The following ANKMY2 variants were observed in gnomAD, a reference collection of about 807,000 sequenced individuals.
ANKMY2 encodes ankyrin repeat and MYND domain containing 2.
In ANKMY2, 36 loss-of-function variants were observed where a neutral mutation model predicts 50.4. The observed-to-expected ratio is 0.71, with a 90% CI of 0.55 to 0.94. ANKMY2 has a LOEUF of 0.94. Among genes scored for constraint, ANKMY2 ranks in the 40% least tolerant of loss-of-function variants. The pLI is 0.00. For missense variants in ANKMY2, 565 were observed against 524.0 expected (o/e 1.08, Z -0.76); for synonymous variants, 187 against 178.8 (o/e 1.05, Z -0.36).
At chr7:16,629,571 C>T (rs1460356662) in intron 2 of ANKMY2, among the ~76,000 whole-genome samples, 1 of 152,000 alleles carries the variant, frequency 6.6e-6, no homozygotes, top group Non-Finnish European at 1.5e-5. Flanking sequence ...CCAATCATGT[C>T]ATCTGCTGTG....
Position 16,615,830 on chromosome 7 carries a change from C to T in ANKMY2, c.445G>A (p.Gly149Arg). The T allele has an allele frequency of 6.2e-7, 1 of 1,614,064 alleles. No homozygotes were observed. The highest frequency in any genetic ancestry group is 2.2e-5 in the East Asian group (1 of 44,868). The change falls in exon 5 of 10, where the codon GGA becomes AGA. Residue 149 changes from glycine (G) to arginine (R), a missense_variant. By Grantham distance (125) the Gly-to-Arg change is moderately radical (BLOSUM62 -2). Transcript: ENST00000306999. ...ERLDYYTKPQ[G>R]LDKEPKLPPK... ...GGCAGTTTTGGCTCTTTATCCAGTC[C>T]CTGGGGCTTAGTGTAATAATCCAGT...
rs376207917 is a variant in ANKMY2 at position 16,636,302 on chromosome 7, C to CAA, written c.132+87_132+88dup. 6.8e-3 allele frequency: 1,453 copies of CAA among 214,362 alleles called. 6 individuals are homozygous for CAA. The highest frequency in any genetic ancestry group is 0.012 in the South Asian group (274 of 22,716). 13.3% of individuals were successfully genotyped at this position (214,362 alleles called of 1,614,324 possible). ...TGGGCGAAAGAGCAACACTCCATCT[C>CAA]AAAAAAAAAAAAAAAAAAAAAAAAA... On this transcript the variant is annotated intron_variant, in intron 2 of 9. Coordinates refer to ENST00000306999, the MANE Select transcript of ANKMY2 (RefSeq NM_020319.3).
At chr7:16,606,170 C>A (rs577792660) in intron 7 of ANKMY2, among the ~76,000 whole-genome samples, 2 of 152,116 alleles carry the variant, frequency 1.3e-5, no homozygotes, top group South Asian at 4.2e-4. Context: ...GTGGCTAGCG[C>A]CTGTAATCCC....
chr7:16,638,895 G>C (rs1038089735), intron 1 of ANKMY2, among the ~76,000 whole-genome samples: 2 of 152,178 alleles, frequency 1.3e-5, no homozygotes, highest in African/African-American at 4.8e-5. Flanking sequence ...GGTTTTAGGA[G>C]CTCTGTGTTA....
At chr7:16,644,804 G>A (rs559838809) in intron 1 of ANKMY2, 17 of 456,104 alleles carry the variant, frequency 3.7e-5, no homozygotes, top group African/African-American at 3.0e-4. Flanking sequence ...CTGCGGAAGT[G>A]GGGCACGCCT....
At chr7:16,645,389 A>G in intron 1 of ANKMY2, 118 bp downstream of exon 1, 2 of 998,028 alleles carry the variant, frequency 2.0e-6, no homozygotes, top group South Asian at 3.5e-5. Context: ...TCCCGGTTCC[A>G]GGCTGCAAAC....
intron 7 of ANKMY2, among the ~76,000 whole-genome samples, chr7:16,606,301 C>T (rs796843934): frequency 4.0e-4 from 61 of 152,126 alleles, no homozygotes; most frequent in African/African-American, 1.3e-3. Flanking sequence ...CATGGTGGCA[C>T]GCCTGTAGTC....
chr7:16,631,632 TGAGACA>T (rs1781586601), intron 2 of ANKMY2, among the ~76,000 whole-genome samples: 1 of 151,722 alleles, frequency 6.6e-6, no homozygotes, highest in Non-Finnish European at 1.5e-5. Flanking sequence ...TTTTTTTTTT[TGAGACA>T]GAGTCTCACT....
chr7:16,600,687 G>T lies in ANKMY2; in HGVS notation c.*74C>A. On this transcript the variant is annotated 3_prime_UTR_variant, in exon 10 of 10. Coordinates refer to ENST00000306999, the MANE Select transcript of ANKMY2 (RefSeq NM_020319.3). ...GTGCCACGCAGGTATAACAAGGTGAGGACAATGCATTCCTAGGAGTTTTCC... is the reference window on the plus strand; with the variant it reads ...GTGCCACGCAGGTATAACAAGGTGATGACAATGCATTCCTAGGAGTTTTCC... The T allele has an allele frequency of 7.3e-7, 1 of 1,377,318 alleles. No homozygotes were observed. The highest frequency in any genetic ancestry group is 9.8e-7 in the Non-Finnish European group (1 of 1,020,912). 85.3% of individuals were successfully genotyped at this position (1,377,318 alleles called of 1,614,324 possible).
At chr7:16,609,981 C>T (rs1047850309) in intron 6 of ANKMY2, among the ~76,000 whole-genome samples, 1 of 152,210 alleles carries the variant, frequency 6.6e-6, no homozygotes, top group Non-Finnish European at 1.5e-5. Context: ...GCAAAGGTGA[C>T]TACCACCATA....
Position 16,600,656 on chromosome 7 carries a change from G to A in ANKMY2, c.*105C>T. The A allele has an allele frequency of 2.0e-6, 2 of 988,598 alleles. No individual in the cohort carries two copies. Among genetic ancestry groups the A allele is most frequent in the Non-Finnish European group, 2.8e-6 (2 of 717,356 alleles). The allele number at this position is 988,598 out of a possible 1,614,324, so 61.2% of individuals were successfully genotyped here. ...TGTATTCTATGAAATGTGGAATCCT[G>A]CCATGGTGCCACGCAGGTATAACAA... On this transcript the variant is annotated 3_prime_UTR_variant, in exon 10 of 10. Transcript: ENST00000306999.
chr7:16,638,443 C>G (rs1008402958), intron 1 of ANKMY2, among the ~76,000 whole-genome samples: 2 of 152,160 alleles, frequency 1.3e-5, no homozygotes, highest in African/African-American at 2.4e-5. Flanking sequence ...AGATGAACAG[C>G]CAGATGGAAG....
rs779539804 is a variant in ANKMY2, at chr7:16,602,429, G to A, written c.1092C>T (p.Tyr364=). Residue 364 remains tyrosine, a synonymous_variant, in exon 9 of 10, where the codon TAC becomes TAT. Transcript: ENST00000306999. ...KKICKNLKDI[Y]EKQQLEAAKE... ...TGGCAGCCTCCAACTGTTGCTTTTC[G>A]TAAATGTCCTTCAGATTCTTACAGA... is the stretch of plus-strand genomic sequence containing the variant. 129 of 1,613,468 alleles carry A rather than the reference G, an allele frequency of 8.0e-5. No individual in the cohort carries two copies. The highest frequency in any genetic ancestry group is 2.1e-4 in the South Asian group (19 of 91,022).
Position 16,600,467 on chromosome 7 carries a change from A to G in ANKMY2, c.*294T>C. 1 of 223,602 alleles carries G rather than the reference A, an allele frequency of 4.5e-6. No homozygotes were observed. The highest frequency in any genetic ancestry group is 8.7e-6 in the Non-Finnish European group (1 of 115,312). 13.9% of individuals were successfully genotyped at this position (223,602 alleles called of 1,614,324 possible). ...CTGTATTTTTTCTTTAAGGGGATCT[A>G]TTTTCCTTTGAAACAATTGCTGGAA... is the stretch of plus-strand genomic sequence containing the variant. On this transcript the variant is annotated 3_prime_UTR_variant, in exon 10 of 10. Transcript: ENST00000306999.
At chr7:16,625,207 A>C (rs1407343691) in intron 3 of ANKMY2, 126 bp from the exon 4 acceptor site, 1 of 610,344 alleles carries the variant, frequency 1.6e-6, no homozygotes, top group African/African-American at 1.9e-5. Context: ...GGATATTTTC[A>C]TTCTTTTAAA....
chr7:16,627,069 T>G lies in ANKMY2; in HGVS notation c.242A>C (p.Tyr81Ser), dbSNP rs1781516381. The G allele has an allele frequency of 1.2e-6, 2 of 1,610,196 alleles. No individual in the cohort carries two copies. The highest frequency in any genetic ancestry group is 2.7e-5 in the African/African-American group (2 of 74,960). The change falls in exon 3 of 10, where the codon TAC (tyrosine) becomes TCC (serine). Residue 81 changes from tyrosine (Y) to serine (S), a missense_variant. Coordinates refer to ENST00000306999, the MANE Select transcript of ANKMY2 (RefSeq NM_020319.3). ...AAGTGCAGCAAACATGAGGGCTGTG[T>G]ATCCATGTTCATGCTGATGACAATT... ...DVNCHQHEHG[Y>S]TALMFAALSG...
At chr7:16,639,004 T>C (rs1251142944) in intron 1 of ANKMY2, among the ~76,000 whole-genome samples, 1 of 152,196 alleles carries the variant, frequency 6.6e-6, no homozygotes, top group East Asian at 1.9e-4. Flanking sequence ...ATGCAGGGGC[T>C]GGAATGAGAA....
At chr7:16,622,718 C>T (rs1052716617) in intron 4 of ANKMY2, among the ~76,000 whole-genome samples, 4 of 149,906 alleles carry the variant, frequency 2.7e-5, no homozygotes, top group Admixed American at 6.7e-5. Flanking sequence ...CCAGCCTGGG[C>T]GACAGGGCGA....
intron 1 of ANKMY2, among the ~76,000 whole-genome samples, chr7:16,639,381 C>T (rs542266506): frequency 6.6e-6 from 1 of 152,160 alleles, no homozygotes; most frequent in Non-Finnish European, 1.5e-5. Flanking sequence ...CAACATTTAC[C>T]TTCATTGGAG....
Sources: allele counts gnomAD v4.1 joint callset (sites outside exome capture counted in the v4.1 genomes callset), GRCh38; gene constraint gnomAD v4.1.1; transcripts MANE v1.5; gene names NCBI Gene and HGNC (gene_info 2026-07-23, HGNC 2026-07-21).